Variants in INSL6 observed in about 807,000 individuals in gnomAD.
INSL6 encodes the protein insulin like 6, also known as insulin-like peptide INSL6.
Under a neutral mutation model 9.4 loss-of-function variants are expected in INSL6, and 16 were observed. The observed-to-expected ratio is 1.70, with a 90% CI of 1.15 to 2.59. INSL6 has a LOEUF of 2.59. INSL6 is among the 30% of genes most tolerant of loss of function. INSL6 has a pLI of 0.00. For missense variants in INSL6, 391 were observed against 257.3 expected, an observed-to-expected ratio of 1.52 and a Z score of -3.56; for synonymous variants, 154 against 96.9, an observed-to-expected ratio of 1.59 and a Z score of -3.46.
chr9:5,175,773 T>C (rs945749505), intron 1 of INSL6, among the ~76,000 whole-genome samples: 4 of 152,166 alleles, frequency 2.6e-5, no homozygotes, highest in African/African-American at 9.7e-5. Flanking sequence ...TATGAGAATC[T>C]AATGCCTGAT....
chr9:5,049,066 A>G, the INSL6 span, among the ~76,000 whole-genome samples: 2 of 152,184 alleles, frequency 1.3e-5, no homozygotes, highest in African/African-American at 4.8e-5. Flanking sequence ...CATTCTTTAG[A>G]CAATATATAG....
chr9:5,146,061 C>A (rs944059687), intron 2 of INSL6, among the ~76,000 whole-genome samples: 3 of 151,802 alleles, frequency 2.0e-5, no homozygotes, highest in Non-Finnish European at 4.4e-5. Context: ...TGTGCTGATT[C>A]TTTCTCATCT....
intron 1 of INSL6, among the ~76,000 whole-genome samples, chr9:5,176,841 G>A (rs1404309346): frequency 1.3e-5 from 2 of 151,968 alleles, no homozygotes; most frequent in Admixed American, 6.6e-5. Context: ...CATGGTTGCT[G>A]GATAAAGATC....
chr9:5,176,506 T>TTAA (rs1179632477), intron 1 of INSL6, among the ~76,000 whole-genome samples: 1 of 152,066 alleles, frequency 6.6e-6, no homozygotes, highest in African/African-American at 2.4e-5. Flanking sequence ...GAGTATTTGC[T>TTAA]TAATAAAAGA....
the INSL6 span, among the ~76,000 whole-genome samples, chr9:5,002,936 T>C: frequency 6.6e-6 from 1 of 151,998 alleles, no homozygotes; most frequent in African/African-American, 2.4e-5. Context: ...GAAGTTAAGG[T>C]TATTTTTTGC....
chr9:5,034,921 C>A, the INSL6 span, among the ~76,000 whole-genome samples: 1 of 152,032 alleles, frequency 6.6e-6, no homozygotes, highest in Non-Finnish European at 1.5e-5. Flanking sequence ...AGACAAAAAA[C>A]CCTTCAAAAA....
chr9:5,139,120 G>A (rs904793493), intron 2 of INSL6, among the ~76,000 whole-genome samples: 7 of 152,022 alleles, frequency 4.6e-5, no homozygotes, highest in African/African-American at 1.7e-4. Flanking sequence ...CCAAATAAAG[G>A]TCATATCTTT....
chr9:5,137,085 G>C (rs1263912347), intron 2 of INSL6, among the ~76,000 whole-genome samples: 1 of 152,154 alleles, frequency 6.6e-6, no homozygotes, highest in Non-Finnish European at 1.5e-5. Flanking sequence ...TCTTCAAGGA[G>C]AACTACAAAC....
chr9:4,993,745 A>G, the INSL6 span, among the ~76,000 whole-genome samples: 1 of 152,178 alleles, frequency 6.6e-6, no homozygotes, highest in Non-Finnish European at 1.5e-5. Context: ...GTTCCTGGCT[A>G]TATAGCAGGT....
chr9:5,054,631 G>GTTT, the INSL6 span: 1 of 1,612,844 alleles, frequency 6.2e-7, no homozygotes, highest in Non-Finnish European at 8.5e-7. The surrounding 1 kb of genome is among the most constrained non-coding windows in gnomAD (Gnocchi z 4.9). Flanking sequence ...ACAAGGAAGC[G>GTTT]AATAAGGTAC....
the INSL6 span, among the ~76,000 whole-genome samples, chr9:5,020,078 C>T: frequency 6.6e-6 from 1 of 152,090 alleles, no homozygotes; most frequent in African/African-American, 2.4e-5. Flanking sequence ...AGTGGGTCCA[C>T]AGGCCCCTGG....
intron 2 of INSL6, among the ~76,000 whole-genome samples, chr9:5,138,314 A>G (rs1404058115): frequency 6.6e-6 from 1 of 152,222 alleles, no homozygotes; most frequent in Non-Finnish European, 1.5e-5. Flanking sequence ...TCACAATAGC[A>G]AAGACTTGGA....
intron 1 of INSL6, among the ~76,000 whole-genome samples, chr9:5,171,530 G>A (rs1034554373): frequency 3.3e-5 from 5 of 152,190 alleles, no homozygotes; most frequent in African/African-American, 1.2e-4. Flanking sequence ...TAGGAAGAGA[G>A]GAAGCCAAAT....
At chr9:5,112,052 C>A in the INSL6 span, 1 of 408,166 alleles carries the variant, frequency 2.4e-6, no homozygotes, top group Admixed American at 2.7e-5. Flanking sequence ...CCAGCTACGA[C>A]GGGGGTCTCC....
chr9:5,088,965 C>G, the INSL6 span, among the ~76,000 whole-genome samples: 3 of 152,202 alleles, frequency 2.0e-5, no homozygotes, highest in South Asian at 4.1e-4. Context: ...TAGCCCATAA[C>G]AGACACATTC....
At chr9:5,123,009 C>G (rs749631485), downstream of INSL6, 1 of 1,605,954 alleles carries the variant, frequency 6.2e-7, no homozygotes, top group African/African-American at 1.3e-5. Context: ...TACAGGTATG[C>G]TCCAGAATCA....
At chr9:5,101,269 C>T in the INSL6 span, among the ~76,000 whole-genome samples, 45 of 152,372 alleles carry the variant, frequency 3.0e-4, no homozygotes, top group South Asian at 6.0e-3. Flanking sequence ...CCACGGAGCC[C>T]TGCTCACTGC....
the INSL6 span, among the ~76,000 whole-genome samples, chr9:5,093,546 T>C: frequency 6.6e-6 from 1 of 152,282 alleles, no homozygotes; most frequent in East Asian, 1.9e-4. Context: ...GCACTTTAAT[T>C]CATTAATGCA....
At chr9:5,024,498 A>T in the INSL6 span, among the ~76,000 whole-genome samples, 1 of 151,912 alleles carries the variant, frequency 6.6e-6, no homozygotes, top group African/African-American at 2.4e-5. Context: ...GCTGACTCTA[A>T]AGAACAGCTT....
Sources: allele counts gnomAD v4.1 joint callset (sites outside exome capture counted in the v4.1 genomes callset), GRCh38; gene constraint gnomAD v4.1.1; non-coding constraint Gnocchi (gnomAD v3.1); transcripts MANE v1.5; gene names NCBI Gene and HGNC (gene_info 2026-07-23, HGNC 2026-07-21).